Variants in SOCS5 observed in about 807,000 individuals in gnomAD.
The protein encoded by SOCS5 is suppressor of cytokine signaling 5.
Under a neutral mutation model 42.8 loss-of-function variants are expected in SOCS5, and 32 were observed. That is an observed-to-expected ratio of 0.75 (90% CI 0.56 to 1.01). The LOEUF (loss-of-function observed/expected upper bound fraction) is 1.01, where lower values mean the gene tolerates loss of function less well. Ranked by LOEUF, SOCS5 falls within the 50% of genes least tolerant of loss-of-function variation. The pLI is 0.00. For missense variants in SOCS5, 627 were observed against 653.0 expected (o/e 0.96, Z 0.43); for synonymous variants, 283 against 229.6 (o/e 1.23, Z -2.10).
chr2:46,723,395 A>G (rs1325028606), intron 1 of SOCS5, among the ~76,000 whole-genome samples: 2 of 151,960 alleles, frequency 1.3e-5, no homozygotes, highest in African/African-American at 4.8e-5. Context: ...TCATGTTCTG[A>G]AAGTTTTATA....
intron 1 of SOCS5, among the ~76,000 whole-genome samples, chr2:46,708,273 A>G (rs1302922662): frequency 2.0e-5 from 3 of 152,192 alleles, no homozygotes; most frequent in Admixed American, 6.5e-5. Flanking sequence ...GATTTTGTTA[A>G]TGTTAGAAGG....
Position 46,760,038 on chromosome 2 carries a change from G to A in SOCS5, c.1508G>A (p.Gly503Glu), listed in dbSNP as rs1673829725. 6 of 1,613,960 alleles carry A rather than the reference G, an allele frequency of 3.7e-6. No homozygotes were observed. Among genetic ancestry groups the A allele is most frequent in the Middle Eastern group, 1.6e-4 (1 of 6,062 alleles). Reference protein sequence around the residue: ...CRCTTYDGIDGLPLPSMLQDF... With the variant: ...CRCTTYDGIDELPLPSMLQDF... ...TGCACTACGTATGATGGAATTGATG[G>A]GCTCCCTCTACCCTCAATGTTACAG... Residue 503 changes from glycine to glutamate, a missense_variant, in exon 2 of 2, where the codon GGG (glycine) becomes GAG (glutamate). This residue lies in a region of SOCS5 where 340 missense variants were observed against 367.6 expected (regional missense o/e 0.92). Coordinates refer to ENST00000394861, the MANE Select transcript of SOCS5 (RefSeq NM_144949.3).
chr2:46,700,719 T>C (rs1672323763), intron 1 of SOCS5, among the ~76,000 whole-genome samples: 1 of 152,156 alleles, frequency 6.6e-6, no homozygotes, highest in Admixed American at 6.5e-5. Flanking sequence ...ATTTTTCCTT[T>C]ATATAGCACT....
intron 1 of SOCS5, among the ~76,000 whole-genome samples, chr2:46,726,201 A>G (rs529603122): frequency 2.8e-4 from 43 of 152,188 alleles, no homozygotes; most frequent in African/African-American, 9.6e-4. Flanking sequence ...GGTTCAAGCA[A>G]TTCTTCTGCC....
intron 1 of SOCS5, among the ~76,000 whole-genome samples, chr2:46,717,863 C>G (rs180806557): frequency 6.6e-6 from 1 of 152,106 alleles, no homozygotes; most frequent in East Asian, 1.9e-4. Context: ...TTGTTTGGTT[C>G]ATACTGTTTA....
chr2:46,705,926 A>T (rs13412085), intron 1 of SOCS5, among the ~76,000 whole-genome samples: 12,734 of 152,272 alleles, frequency 0.084, 670 homozygotes, highest in Middle Eastern at 0.24. Flanking sequence ...AAGATAATGC[A>T]TTTAGGGGAA....
At chr2:46,731,803 C>G (rs1572839098) in intron 1 of SOCS5, among the ~76,000 whole-genome samples, 2 of 152,078 alleles carry the variant, frequency 1.3e-5, no homozygotes, top group African/African-American at 4.8e-5. Context: ...AAATAGGAAC[C>G]TAATAAAAAT....
chr2:46,719,042 G>T (rs141711390), intron 1 of SOCS5, among the ~76,000 whole-genome samples: 124 of 152,234 alleles, frequency 8.1e-4, no homozygotes, highest in Middle Eastern at 3.4e-3. Flanking sequence ...AAATGATTAG[G>T]TTATGCTATA....
At chr2:46,739,567 A>G (rs1442836706) in intron 1 of SOCS5, among the ~76,000 whole-genome samples, 1 of 152,208 alleles carries the variant, frequency 6.6e-6, no homozygotes, top group Non-Finnish European at 1.5e-5. Context: ...TTTGCTACCC[A>G]GATTAAGAAA....
At chr2:46,704,687 T>C (rs760390334) in intron 1 of SOCS5, among the ~76,000 whole-genome samples, 2 of 152,210 alleles carry the variant, frequency 1.3e-5, no homozygotes, top group Non-Finnish European at 2.9e-5. Flanking sequence ...AGAAAGAATA[T>C]CTTTTGTTGA....
In SOCS5 at chr2:46,761,107, A is replaced by G. The variant is rs1042206925; in HGVS notation, c.*966A>G. 1 of 167,134 alleles carries G rather than the reference A, an allele frequency of 6.0e-6. No homozygotes were observed. The highest frequency in any genetic ancestry group is 2.4e-5 in the African/African-American group (1 of 41,480). 10.4% of individuals were successfully genotyped at this position (167,134 alleles called of 1,614,324 possible). The stretch of plus-strand genomic sequence containing the variant: ...ATTTATCTCTTTTTTGTAAACTCTC[A>G]TAACTGAATTGCTTAAGTATAATTT... On this transcript the variant is annotated 3_prime_UTR_variant, in exon 2 of 2. Coordinates refer to ENST00000394861, the MANE Select transcript of SOCS5 (RefSeq NM_144949.3).
At chr2:46,699,011 C>T (rs1173882104), upstream of SOCS5, 2 of 152,490 alleles carry the variant, frequency 1.3e-5, no homozygotes, top group Non-Finnish European at 2.9e-5. The surrounding 1 kb of genome is among the most constrained non-coding windows in gnomAD (Gnocchi z 4.8). Flanking sequence ...GGGCCGCCCC[C>T]GTCTCGCGCC....
intron 1 of SOCS5, among the ~76,000 whole-genome samples, chr2:46,710,348 C>T (rs545533637): frequency 2.0e-5 from 3 of 152,104 alleles, no homozygotes; most frequent in East Asian, 1.9e-4. Flanking sequence ...GGTTTCACCA[C>T]GTTGGTTAGG....
chr2:46,754,343 T>A (rs4143669), intron 1 of SOCS5, among the ~76,000 whole-genome samples: 1 of 152,328 alleles, frequency 6.6e-6, no homozygotes, highest in East Asian at 1.9e-4. Context: ...TTCCATTTCT[T>A]TGAACTATTT....
chr2:46,738,268 A>T (rs937921217), intron 1 of SOCS5, among the ~76,000 whole-genome samples: 15 of 152,182 alleles, frequency 9.9e-5, no homozygotes, highest in Admixed American at 2.0e-4. Flanking sequence ...GACAGGAGAG[A>T]GACTAAGGTG....
At chr2:46,704,593 T>C (rs932859244) in intron 1 of SOCS5, among the ~76,000 whole-genome samples, 1 of 152,366 alleles carries the variant, frequency 6.6e-6, no homozygotes, top group South Asian at 2.1e-4. Context: ...TACTATTATG[T>C]ACTGTATACA....
At chr2:46,705,293 G>A (rs1326998995) in intron 1 of SOCS5, among the ~76,000 whole-genome samples, 1 of 152,132 alleles carries the variant, frequency 6.6e-6, no homozygotes. Flanking sequence ...ATCAGAAGTG[G>A]GGCTCAGTCT....
At chr2:46,731,112 G>A (rs1673110045) in intron 1 of SOCS5, among the ~76,000 whole-genome samples, 1 of 152,202 alleles carries the variant, frequency 6.6e-6, no homozygotes, top group African/African-American at 2.4e-5. Context: ...TACTAAGGTG[G>A]AAAGGGCTGC....
At chr2:46,739,029 AC>A (rs1384053034) in intron 1 of SOCS5, among the ~76,000 whole-genome samples, 1 of 152,242 alleles carries the variant, frequency 6.6e-6, no homozygotes, top group Non-Finnish European at 1.5e-5. Context: ...ACTATTTAAC[AC>A]GTTTAATTTT....
Sources: allele counts gnomAD v4.1 joint callset (sites outside exome capture counted in the v4.1 genomes callset), GRCh38; gene constraint gnomAD v4.1.1; regional missense constraint gnomAD v4.1.1; non-coding constraint Gnocchi (gnomAD v3.1); transcripts MANE v1.5; gene names NCBI Gene and HGNC (gene_info 2026-07-23, HGNC 2026-07-21).